LMO1: variants seen among roughly 807,000 people sequenced by gnomAD.
LMO1 encodes the protein LIM domain only 1, also known as rhombotin-1.
A neutral mutation model predicts 18.0 loss-of-function variants in LMO1; 10 were observed. The observed-to-expected ratio is 0.55, with a 90% CI of 0.34 to 0.94. The LOEUF is 0.94. Among genes scored for constraint, LMO1 ranks in the 40% least tolerant of loss-of-function variants. The probability of loss-of-function intolerance (pLI) is 0.02; values close to 1 mark genes in which losing one functional copy is unlikely to be tolerated. For synonymous variants in LMO1, 77 were observed against 77.9 expected, an observed-to-expected ratio of 0.99 and a Z score of 0.06; for missense variants, 183 against 205.7, an observed-to-expected ratio of 0.89 and a Z score of 0.68.
At chr11:8,235,747 G>T (rs745722326) in intron 1 of LMO1, among the ~76,000 whole-genome samples, 4 of 152,146 alleles carry the variant, frequency 2.6e-5, no homozygotes, top group Non-Finnish European at 5.9e-5. Context: ...GTGTGACTTC[G>T]ATTAACATTT....
chr11:8,240,900 C>T (rs1179389416), intron 1 of LMO1, among the ~76,000 whole-genome samples: 2 of 151,878 alleles, frequency 1.3e-5, no homozygotes, highest in Non-Finnish European at 2.9e-5. Flanking sequence ...CTCACAGCCT[C>T]ACATAATTTT....
At chr11:8,250,006 C>G (rs1174022020) in intron 1 of LMO1, among the ~76,000 whole-genome samples, 1 of 151,968 alleles carries the variant, frequency 6.6e-6, no homozygotes, top group African/African-American at 2.4e-5. Flanking sequence ...GATCACTTTT[C>G]TATTCATTCA....
intron 2 of LMO1, among the ~76,000 whole-genome samples, chr11:8,228,894 C>A (rs918447329): frequency 6.6e-6 from 1 of 152,022 alleles, no homozygotes; most frequent in African/African-American, 2.4e-5. Context: ...CAGGAACATT[C>A]TTTTCTTTTT....
In LMO1 at chr11:8,224,634, A is replaced by G. The variant is rs1042359; in HGVS notation, c.453T>C (p.Phe151=). 260,754 of 1,604,198 alleles carry G rather than the reference A, an allele frequency of 0.16. 23,712 individuals carry two copies. The highest frequency in any genetic ancestry group is 0.34 in the African/African-American group (25,537 of 74,756). Residue 151 remains phenylalanine, a synonymous_variant, in exon 4 of 4, where the codon TTT becomes TTC. Coordinates refer to ENST00000335790, the MANE Select transcript of LMO1 (RefSeq NM_002315.3). ...CCGGGCGTTACTGAACTTGGGATTC[A>G]AAGGTGCCATTGAGCTGCCCTTCCT... ...DYEEGQLNGT[F]ESQVQ
Position 8,263,755 on chromosome 11 carries a change from C to A in LMO1, c.-393G>T. On this transcript the variant is annotated 5_prime_UTR_variant, in exon 1 of 4. Transcript: ENST00000335790. ...CTCATAACCCTGTCTCTGGCAACGA[C>A]ACAGCTTTCAGCCTCATAAAGTGTT... 1 of 1,088,272 alleles carries A rather than the reference C, an allele frequency of 9.2e-7. No homozygotes were observed. Among genetic ancestry groups the A allele is most frequent in the Non-Finnish European group, 1.1e-6 (1 of 895,882 alleles). The allele number at this position is 1,088,272 out of a possible 1,614,324, so 67.4% of individuals were successfully genotyped here.
intron 1 of LMO1, among the ~76,000 whole-genome samples, chr11:8,260,313 G>A (rs1455241162): frequency 1.3e-5 from 2 of 152,172 alleles, no homozygotes; most frequent in Non-Finnish European, 2.9e-5. Flanking sequence ...CAGGTGCCAG[G>A]GGAAGAAGGG....
At chr11:8,229,874 A>C (rs146952532) in intron 2 of LMO1, among the ~76,000 whole-genome samples, 1 of 152,320 alleles carries the variant, frequency 6.6e-6, no homozygotes, top group South Asian at 2.1e-4. Flanking sequence ...GGAGATGGAA[A>C]GAGACTGCAT....
chr11:8,247,298 T>G (rs922543316), intron 1 of LMO1, among the ~76,000 whole-genome samples: 1 of 152,186 alleles, frequency 6.6e-6, no homozygotes, highest in African/African-American at 2.4e-5. Flanking sequence ...TAAGGGATGC[T>G]GCCCTCTCCC....
At chr11:8,227,208 G>A in intron 2 of LMO1, 108 bp from the exon 3 acceptor site, 1 of 1,513,408 alleles carries the variant, frequency 6.6e-7, no homozygotes, top group Non-Finnish European at 8.8e-7. Context: ...CAACTTGTGG[G>A]CTCAGCAGGT....
intron 1 of LMO1, among the ~76,000 whole-genome samples, chr11:8,233,187 T>C (rs1223984425): frequency 6.6e-6 from 1 of 152,038 alleles, no homozygotes; most frequent in Non-Finnish European, 1.5e-5. Flanking sequence ...TGCCAAAGTG[T>C]CCCATGTCCA....
chr11:8,268,071 G>A (rs1847278847), upstream of LMO1, among the ~76,000 whole-genome samples: 2 of 152,362 alleles, frequency 1.3e-5, no homozygotes, highest in South Asian at 4.1e-4. Flanking sequence ...AGTGGGCACT[G>A]CCGGGAAGCC....
chr11:8,256,756 A>G (rs1257721214), intron 1 of LMO1, among the ~76,000 whole-genome samples: 2 of 152,218 alleles, frequency 1.3e-5, no homozygotes, highest in Non-Finnish European at 2.9e-5. Flanking sequence ...CCAGGCAAGG[A>G]GGACATAGGA....
intron 1 of LMO1, among the ~76,000 whole-genome samples, chr11:8,240,309 A>T (rs919685405): frequency 3.3e-5 from 5 of 152,196 alleles, no homozygotes; most frequent in African/African-American, 1.2e-4. Context: ...GGTGAAGAAT[A>T]ACCTATCCTT....
intron 1 of LMO1, among the ~76,000 whole-genome samples, chr11:8,259,132 C>CG (rs3838787): frequency 0.24 from 36,808 of 152,136 alleles, 4,628 homozygotes; most frequent in African/African-American, 0.27. Flanking sequence ...AGCAAGACAC[C>CG]GCCATCCAAG....
At chr11:8,228,238 G>C (rs1015313897) in intron 2 of LMO1, among the ~76,000 whole-genome samples, 1 of 152,250 alleles carries the variant, frequency 6.6e-6, no homozygotes, top group South Asian at 2.1e-4. Context: ...TCCCCATGCA[G>C]GCCAGCCCTT....
intron 2 of LMO1, among the ~76,000 whole-genome samples, chr11:8,228,034 CT>C (rs1268243818): frequency 3.9e-5 from 6 of 152,212 alleles, no homozygotes; most frequent in African/African-American, 1.2e-4. Flanking sequence ...GCCTAAGTCC[CT>C]TTTTTTCTTT....
At chr11:8,246,994 A>C (rs1030585785) in intron 1 of LMO1, among the ~76,000 whole-genome samples, 2 of 152,154 alleles carry the variant, frequency 1.3e-5, no homozygotes, top group African/African-American at 4.8e-5. Context: ...CCACTTTTCC[A>C]GCCCTGCTCC....
At chr11:8,245,905 A>G (rs1392245610) in intron 1 of LMO1, among the ~76,000 whole-genome samples, 1 of 152,180 alleles carries the variant, frequency 6.6e-6, no homozygotes, top group East Asian at 1.9e-4. Flanking sequence ...GAAGCTTCCA[A>G]TCATGACAGA....
In LMO1 at chr11:8,234,548, T is replaced by C. The variant is rs1483348233; in HGVS notation, c.26-4044A>G. Among the ~76,000 whole-genome samples, 3 of 152,130 alleles carry C rather than the reference T, an allele frequency of 2.0e-5. No individual in the cohort carries two copies. The East Asian group carries it at 5.8e-4, about 29-fold the overall frequency. On this transcript the variant is annotated intron_variant, in intron 1 of 3. Coordinates refer to ENST00000335790, the MANE Select transcript of LMO1 (RefSeq NM_002315.3). ...CTGGTTTGGATGGCAGCCTGGGGGA[T>C]GCTTACCCCAGTGAGCTCCTCCAAG...
Sources: allele counts gnomAD v4.1 joint callset (sites outside exome capture counted in the v4.1 genomes callset), GRCh38; gene constraint gnomAD v4.1.1; transcripts MANE v1.5; gene names NCBI Gene and HGNC (gene_info 2026-07-23, HGNC 2026-07-21).